Variants in RAB11FIP3 observed in about 807,000 individuals in gnomAD.
The protein encoded by RAB11FIP3 is RAB11 family interacting protein 3, also known as rab11 family-interacting protein 3.
RAB11FIP3 carries 17 observed loss-of-function variants against 77.8 expected under a neutral mutation model. The ratio of observed to expected loss-of-function variants is 0.22; its 90% CI spans 0.15 to 0.33. RAB11FIP3 has a LOEUF of 0.33. Among genes scored for constraint, RAB11FIP3 ranks in the 10% least tolerant of loss-of-function variants. The pLI is 1.00. For synonymous variants in RAB11FIP3, 437 were observed against 448.2 expected, an observed-to-expected ratio of 0.98 and a Z score of 0.31; for missense variants, 1,005 against 1,011.2, an observed-to-expected ratio of 0.99 and a Z score of 0.08.
intron 3 of RAB11FIP3, chr16:474,981 C>T (rs2055874110): frequency 3.9e-6 from 6 of 1,551,544 alleles, no homozygotes; most frequent in Non-Finnish European, 5.2e-6. Context: ...TGAGAAAAGC[C>T]AGTGACCCGG....
intron 2 of RAB11FIP3, among the ~76,000 whole-genome samples, chr16:464,635 C>T (rs1360196983): frequency 6.6e-6 from 1 of 152,152 alleles, no homozygotes; most frequent in Non-Finnish European, 1.5e-5. Context: ...GTGGCTCATA[C>T]CTGTAATCCC....
At chr16:502,334 G>T (rs2031580653) in intron 6 of RAB11FIP3, among the ~76,000 whole-genome samples, 1 of 152,254 alleles carries the variant, frequency 6.6e-6, no homozygotes, top group Admixed American at 6.5e-5. Flanking sequence ...GGACCATGAG[G>T]CTGTGTCCCC....
At chr16:483,284 C>T (rs2056083272) in intron 4 of RAB11FIP3, among the ~76,000 whole-genome samples, 3 of 152,136 alleles carry the variant, frequency 2.0e-5, no homozygotes, top group South Asian at 4.1e-4. Context: ...AATTGTGAAG[C>T]AAAAATTAAA....
rs115484087 is a variant in RAB11FIP3 at position 454,519 on chromosome 16, G to A, written c.715-6885G>A. 4.7e-3 allele frequency among the ~76,000 whole-genome samples: 718 copies of A among 152,208 alleles called. 2 individuals are homozygous for A. Among genetic ancestry groups the A allele is most frequent in the African/African-American group, 0.016 (668 of 41,526 alleles). On this transcript the variant is annotated intron_variant, in intron 1 of 13. Transcript: ENST00000262305. ...CCGAGTCTAGTCGTTCACATCTAGC[G>A]TGGGAAACATGTTGTAGACCTCATC...
chr16:464,477 T>A (rs2055669007), intron 2 of RAB11FIP3, among the ~76,000 whole-genome samples: 1 of 152,180 alleles, frequency 6.6e-6, no homozygotes, highest in South Asian at 2.1e-4. Flanking sequence ...AGTCTGGTTC[T>A]CCTCAGGTTA....
intron 8 of RAB11FIP3, chr16:510,418 C>T (rs1373191939): frequency 8.1e-6 from 4 of 493,180 alleles, no homozygotes; most frequent in Non-Finnish European, 1.5e-5. Context: ...ATCAGCTGGG[C>T]CTAGGTGCAG....
At chr16:435,204 C>CAAAAAAAAAAAAAA (rs371438435) in intron 1 of RAB11FIP3, among the ~76,000 whole-genome samples, 2 of 83,152 alleles carry the variant, frequency 2.4e-5, no homozygotes, top group African/African-American at 9.0e-5. Context: ...GACTCCGTCT[C>CAAAAAAAAAAAAAA]AAAAAAAAAA....
intron 6 of RAB11FIP3, among the ~76,000 whole-genome samples, chr16:499,887 A>G (rs995716995): frequency 4.6e-5 from 7 of 151,988 alleles, no homozygotes; most frequent in Non-Finnish European, 1.0e-4. Context: ...GTCTATCCAC[A>G]TGTAAATATA....
Position 488,831 on chromosome 16 carries a change from A to G in RAB11FIP3, c.1116-20A>G. 1 of 1,609,434 alleles carries G rather than the reference A, an allele frequency of 6.2e-7. No individual in the cohort carries two copies. Among genetic ancestry groups the G allele is most frequent in the Non-Finnish European group, 8.5e-7 (1 of 1,177,258 alleles). On this transcript the variant is annotated intron_variant, in intron 4 of 13. Coordinates refer to ENST00000262305, the MANE Select transcript of RAB11FIP3 (RefSeq NM_014700.4). ...CCCTGGCCTTCAGTCAGAAGACATC[A>G]TTTCTGTTTTACTTTGCAGGCCTCA...
rs141478088 is a variant in RAB11FIP3 at position 460,634 on chromosome 16, G to A, written c.715-770G>A. The stretch of plus-strand genomic sequence containing the variant: ...AAGGGTCTTTTTCCCTGAGTTATTC[G>A]CTACCAAGGACTCTGCAGAGCCAGG... On this transcript the variant is annotated intron_variant, in intron 1 of 13. Coordinates refer to ENST00000262305, the MANE Select transcript of RAB11FIP3 (RefSeq NM_014700.4). Among the ~76,000 whole-genome samples, 889 of 152,160 alleles carry A rather than the reference G, an allele frequency of 5.8e-3. 10 individuals are homozygous for A. Among genetic ancestry groups the A allele is most frequent in the African/African-American group, 0.02 (845 of 41,486 alleles).
rs2031821263 is a variant in RAB11FIP3 at position 505,452 on chromosome 16, G to C, written c.1396-72G>C. 1.6e-6 allele frequency: 2 copies of C among 1,258,014 alleles called. No individual in the cohort carries two copies. The highest frequency in any genetic ancestry group is 5.0e-5 in the East Asian group (2 of 39,900). The allele number at this position is 1,258,014 out of a possible 1,614,324, so 77.9% of individuals were successfully genotyped here. On this transcript the variant is annotated intron_variant, in intron 7 of 13. Transcript: ENST00000262305. The surrounding 1 kb of genome is among the most constrained non-coding windows in gnomAD (Gnocchi z 4.0). Reference sequence around the variant, plus strand: ...GAGAAAATCCCCAGGCGGCCTCCCAGGTTGTTCCCTTGGGGGTGCAGGCCC... The same window carrying C: ...GAGAAAATCCCCAGGCGGCCTCCCACGTTGTTCCCTTGGGGGTGCAGGCCC...
At chr16:436,593 T>G (rs905436831) in intron 1 of RAB11FIP3, among the ~76,000 whole-genome samples, 4 of 152,246 alleles carry the variant, frequency 2.6e-5, no homozygotes, top group Middle Eastern at 3.4e-3. Context: ...GAGATTCTCC[T>G]GCCTCAGCCT....
In RAB11FIP3 at chr16:471,111, G is replaced by A. The variant is rs945184805; in HGVS notation, c.809-184G>A. Reference sequence around the variant, plus strand: ...CAACGCATCTCTGACCCGTTGGCAAGGCTGTTTTCTCTCCCTGGATTTCTC... The same window carrying A: ...CAACGCATCTCTGACCCGTTGGCAAAGCTGTTTTCTCTCCCTGGATTTCTC... On this transcript the variant is annotated intron_variant, in intron 2 of 13. Coordinates refer to ENST00000262305, the MANE Select transcript of RAB11FIP3 (RefSeq NM_014700.4). This position sits in a 1 kb window ranked among gnomAD's most constrained non-coding sequence, Gnocchi z 4.4. Among the ~76,000 whole-genome samples the A allele has an allele frequency of 1.3e-5, 2 of 152,056 alleles. No individual in the cohort carries two copies. Among genetic ancestry groups the A allele is most frequent in the African/African-American group, 4.8e-5 (2 of 41,404 alleles).
At chr16:464,604 A>G (rs1181725788) in intron 2 of RAB11FIP3, among the ~76,000 whole-genome samples, 2 of 152,136 alleles carry the variant, frequency 1.3e-5, no homozygotes, top group Non-Finnish European at 2.9e-5. Flanking sequence ...AGTTTGAAAA[A>G]TCCATTATGG....
Position 441,945 on chromosome 16 carries a change from TCTC to T in RAB11FIP3, c.714+15228_714+15230del, listed in dbSNP as rs2055234312. 2.6e-5 allele frequency among the ~76,000 whole-genome samples: 4 copies of T among 152,242 alleles called. No homozygotes were observed. In the South Asian group the frequency reaches 8.3e-4, roughly 32 times the overall value. ...GCGCCACCTCCCAGGTTCACGCCAT[TCTC>T]CTGCCTCAGCCTCCCGAGTAGCTGG... On this transcript the variant is annotated intron_variant, in intron 1 of 13. Transcript: ENST00000262305.
chr16:455,002 A>C (rs1276134714), intron 1 of RAB11FIP3, among the ~76,000 whole-genome samples: 1 of 145,218 alleles, frequency 6.9e-6, no homozygotes, highest in African/African-American at 2.6e-5. Context: ...GTGAGCCGAG[A>C]TTGCACTACT....
At chr16:492,064 C>CTT (rs1362346767) in intron 5 of RAB11FIP3, among the ~76,000 whole-genome samples, 1 of 152,322 alleles carries the variant, frequency 6.6e-6, no homozygotes, top group South Asian at 2.1e-4. Context: ...TGTGAAACTG[C>CTT]TTACCTGTCT....
At chr16:484,752 G>C (rs2056118655) in intron 4 of RAB11FIP3, among the ~76,000 whole-genome samples, 1 of 152,214 alleles carries the variant, frequency 6.6e-6, no homozygotes. Context: ...CCTGTCGGCG[G>C]CAGCGGGTAG....
At chr16:439,863 G>C (rs1319084226) in intron 1 of RAB11FIP3, among the ~76,000 whole-genome samples, 1 of 146,216 alleles carries the variant, frequency 6.8e-6, no homozygotes, top group Non-Finnish European at 1.5e-5. Flanking sequence ...TTTTTTTTTT[G>C]AGACGGGGTC....
Sources: allele counts gnomAD v4.1 joint callset (sites outside exome capture counted in the v4.1 genomes callset), GRCh38; gene constraint gnomAD v4.1.1; non-coding constraint Gnocchi (gnomAD v3.1); transcripts MANE v1.5; gene names NCBI Gene and HGNC (gene_info 2026-07-23, HGNC 2026-07-21).